GSTK1: variants seen among roughly 807,000 people sequenced by gnomAD.
GSTK1 encodes GST class-kappa.
Under a neutral mutation model 30.9 loss-of-function variants are expected in GSTK1, and 25 were observed. The observed-to-expected ratio is 0.81, with a 90% CI of 0.59 to 1.13. GSTK1 has a LOEUF of 1.13. GSTK1 is among the 50% of genes most tolerant of loss of function. The probability of loss-of-function intolerance (pLI) is 0.00; values close to 1 mark genes in which losing one functional copy is unlikely to be tolerated. For missense variants in GSTK1, 292 were observed against 292.4 expected (o/e 1.00, Z 0.01); for synonymous variants, 108 against 112.5 (o/e 0.96, Z 0.25).
Position 143,263,464 on chromosome 7 carries a change from G to C in GSTK1, c.-50G>C, listed in dbSNP as rs767011723. The C allele has an allele frequency of 1.3e-6, 2 of 1,558,472 alleles. No individual in the cohort carries two copies. Among genetic ancestry groups the C allele is most frequent in the African/African-American group, 1.3e-5 (1 of 74,142 alleles). On this transcript the variant is annotated 5_prime_UTR_variant, in exon 1 of 8. Coordinates refer to ENST00000358406, the MANE Select transcript of GSTK1 (RefSeq NM_015917.3). Reference sequence around the variant, plus strand: ...CCAGAAGCTGGGCAGCCTCTGCCGGGTTCCGGGAAAAGGAGCTCCTGCTGC... The same window carrying C: ...CCAGAAGCTGGGCAGCCTCTGCCGGCTTCCGGGAAAAGGAGCTCCTGCTGC...
chr7:143,268,120 T>A lies in GSTK1; in HGVS notation c.567T>A (p.His189Gln). Residue 189 changes from histidine to glutamine, a missense_variant, in exon 7 of 8, where the codon CAT (histidine) becomes CAA (glutamine). By Grantham distance (24) the His-to-Gln change is conservative (BLOSUM62 0). Transcript: ENST00000358406. This position sits in a 1 kb window ranked among gnomAD's most constrained non-coding sequence, Gnocchi z 4.1. ...TTGGGCTGCCCATCACCGTGGCCCATGTGGATGGCCAAACCCACATGTTAT... is the reference window on the plus strand; with the variant it reads ...TTGGGCTGCCCATCACCGTGGCCCAAGTGGATGGCCAAACCCACATGTTAT... ...GAFGLPITVAHVDGQTHMLFG... is the reference protein window; with the variant it reads ...GAFGLPITVAQVDGQTHMLFG... 1 of 1,614,052 alleles carries A rather than the reference T, an allele frequency of 6.2e-7. No homozygotes were observed.
Position 143,268,683 on chromosome 7 carries a change from C to A in GSTK1, c.632-105C>A. ...AAAGGAAGCCTTCTATACCTTGAAG[C>A]CAAGCAAAAGTCTTTCTAGAAAACC... On this transcript the variant is annotated intron_variant, in intron 7 of 7. Transcript: ENST00000358406. The surrounding 1 kb of genome is among the most constrained non-coding windows in gnomAD (Gnocchi z 4.1). 1 of 989,938 alleles carries A rather than the reference C, an allele frequency of 1.0e-6. No individual in the cohort carries two copies. The highest frequency in any genetic ancestry group is 1.6e-6 in the Non-Finnish European group (1 of 625,018). 61.3% of individuals were successfully genotyped at this position (989,938 alleles called of 1,614,324 possible).
Position 143,268,090 on chromosome 7 carries a change from G to A in GSTK1, c.538-1G>A. The stretch of plus-strand genomic sequence containing the variant: ...CCTTGCATTGTAACTGCTTTCTCCA[G>A]GCCTTTGGGCTGCCCATCACCGTGG... On this transcript the variant is annotated splice_acceptor_variant, in intron 6 of 7. Coordinates refer to ENST00000358406, the MANE Select transcript of GSTK1 (RefSeq NM_015917.3). LOFTEE classifies it high-confidence loss of function. This position sits in a 1 kb window ranked among gnomAD's most constrained non-coding sequence, Gnocchi z 4.1. 1 of 1,612,214 alleles carries A rather than the reference G, an allele frequency of 6.2e-7. No homozygotes were observed. Among genetic ancestry groups the A allele is most frequent in the Non-Finnish European group, 8.5e-7 (1 of 1,179,042 alleles).
chr7:143,264,000 G>A (rs1586423248), intron 1 of GSTK1, 86 bp from the exon 2 acceptor site: 1 of 1,195,808 alleles, frequency 8.4e-7, no homozygotes, highest in Non-Finnish European at 1.2e-6. Flanking sequence ...CCCCTGCTCT[G>A]CACTTAGCGC....
At position 143,263,459 on chromosome 7, in the gene GSTK1, G is replaced by A. The variant is rs1178633981; in HGVS notation, c.-55G>A. The A allele has an allele frequency of 2.0e-6, 3 of 1,536,340 alleles. No individual in the cohort carries two copies. The highest frequency in any genetic ancestry group is 1.8e-6 in the Non-Finnish European group (2 of 1,117,822). On this transcript the variant is annotated 5_prime_UTR_variant, in exon 1 of 8. Coordinates refer to ENST00000358406, the MANE Select transcript of GSTK1 (RefSeq NM_015917.3). ...CAGGCCCAGAAGCTGGGCAGCCTCT[G>A]CCGGGTTCCGGGAAAAGGAGCTCCT...
chr7:143,265,937 A>G (rs1800863377), intron 5 of GSTK1, among the ~76,000 whole-genome samples: 1 of 151,998 alleles, frequency 6.6e-6, no homozygotes, highest in African/African-American at 2.4e-5. Flanking sequence ...GGAATGGCAA[A>G]TATATCTTCT....
chr7:143,264,926 A>AAG (rs1800828019), intron 3 of GSTK1, 66 bp from the exon 4 acceptor site: 2 of 1,531,178 alleles, frequency 1.3e-6, no homozygotes, highest in East Asian at 4.5e-5. Flanking sequence ...AGAAGCAAGG[A>AAG]AGAGCTAGTC....
At chr7:143,265,495 AAGGGGAAGTGCAAAAGGGACAAT>A (rs1393207021) in intron 5 of GSTK1, among the ~76,000 whole-genome samples, 199 bp downstream of exon 5, 22 of 152,326 alleles carry the variant, frequency 1.4e-4, no homozygotes, top group Admixed American at 1.1e-3. Context: ...TCAAGGTTGA[AAGGGGAAGTGCAAAAGGGACAAT>A]ATATGGGAAG....
chr7:143,268,115 G>C lies in GSTK1; in HGVS notation c.562G>C (p.Ala188Pro). The C allele has an allele frequency of 1.2e-6, 2 of 1,613,960 alleles. No homozygotes were observed. Among genetic ancestry groups the C allele is most frequent in the Non-Finnish European group, 1.7e-6 (2 of 1,179,948 alleles). Residue 188 changes from alanine (A) to proline (P), a missense_variant, in exon 7 of 8, where the codon GCC (alanine) becomes CCC (proline). Coordinates refer to ENST00000358406, the MANE Select transcript of GSTK1 (RefSeq NM_015917.3). This position sits in a 1 kb window ranked among gnomAD's most constrained non-coding sequence, Gnocchi z 4.1. ...GGCCTTTGGGCTGCCCATCACCGTG[G>C]CCCATGTGGATGGCCAAACCCACAT... ...YGAFGLPITV[A>P]HVDGQTHMLF... is the part of the protein sequence containing the mutation.
chr7:143,264,043 T>A (rs1245766517), intron 1 of GSTK1, 43 bp from the exon 2 acceptor site: 1 of 1,577,372 alleles, frequency 6.3e-7, no homozygotes, highest in Non-Finnish European at 8.7e-7. Flanking sequence ...CTTTCACTTT[T>A]CCATCTTGCA....
chr7:143,265,413 G>A (rs1269552840), intron 5 of GSTK1, 117 bp downstream of exon 5: 1 of 927,012 alleles, frequency 1.1e-6, no homozygotes, highest in Non-Finnish European at 1.6e-6. Flanking sequence ...AATTACTGGG[G>A]AAGAAAGGAT....
chr7:143,264,570 T>TC lies in GSTK1; in HGVS notation c.181dup (p.Arg61ProfsTer9). On this transcript the variant is annotated frameshift_variant, in exon 3 of 8. Coordinates refer to ENST00000358406, the MANE Select transcript of GSTK1 (RefSeq NM_015917.3). LOFTEE classifies it high-confidence loss of function. ...CAGGAAACAAGCCTCCAGGTCTGCT[T>TC]CCCCGCAAAGGACTATACATGGCAA... 6.2e-7 allele frequency: 1 copy of TC among 1,613,920 alleles called. No individual in the cohort carries two copies. The highest frequency in any genetic ancestry group is 8.5e-7 in the Non-Finnish European group (1 of 1,179,888).
chr7:143,266,806 A>G (rs746440354), intron 5 of GSTK1, among the ~76,000 whole-genome samples: 36 of 151,334 alleles, frequency 2.4e-4, no homozygotes, highest in Non-Finnish European at 4.3e-4. Flanking sequence ...GACTTCAAGC[A>G]TGTGCCACCA....
intron 6 of GSTK1, 26 bp downstream of exon 6, chr7:143,267,759 C>A: frequency 6.9e-7 from 1 of 1,458,888 alleles, no homozygotes; most frequent in Non-Finnish European, 9.6e-7. Context: ...TGTGTGTTCC[C>A]AGCACCCATC....
chr7:143,263,591 G>T lies in GSTK1; in HGVS notation c.72+6G>T. The T allele has an allele frequency of 6.2e-7, 1 of 1,606,898 alleles. No homozygotes were observed. ...ACTCCTGGCTGGGCTTCGAGGTGAC[G>T]CTGGGAGGGGTCGCCTCGGCAGTGT... On this transcript the variant is annotated splice_donor_region_variant and intron_variant, in intron 1 of 7. Coordinates refer to ENST00000358406, the MANE Select transcript of GSTK1 (RefSeq NM_015917.3).
Position 143,268,194 on chromosome 7 carries a change from T to C in GSTK1, c.631+10T>C. 1 of 1,609,766 alleles carries C rather than the reference T, an allele frequency of 6.2e-7. No homozygotes were observed. The highest frequency in any genetic ancestry group is 8.5e-7 in the Non-Finnish European group (1 of 1,176,942). The stretch of plus-strand genomic sequence containing the variant: ...CTGGCGCACCTGCTGGGTAAGTAAG[T>C]TAAAGAATCAACCCTGAGCCAGGTG... On this transcript the variant is annotated intron_variant, in intron 7 of 7. Transcript: ENST00000358406. This position sits in a 1 kb window ranked among gnomAD's most constrained non-coding sequence, Gnocchi z 4.1.
rs572291540 is a variant in GSTK1, at chr7:143,267,089, G to A, written c.421-528G>A. On this transcript the variant is annotated intron_variant, in intron 5 of 7. Transcript: ENST00000358406. Reference sequence around the variant, plus strand: ...ACCACAAACTGAAGCCTTTATCTTTGTCTTGAAGCCAGGTAGGTGGCTGCA... The same window carrying A: ...ACCACAAACTGAAGCCTTTATCTTTATCTTGAAGCCAGGTAGGTGGCTGCA... Among the ~76,000 whole-genome samples the A allele has an allele frequency of 7.9e-5, 12 of 152,250 alleles. No homozygotes were observed. In the East Asian group the frequency reaches 1.9e-3, roughly 25 times the overall value.
intron 5 of GSTK1, among the ~76,000 whole-genome samples, chr7:143,265,811 G>A (rs756078953): frequency 2.0e-5 from 3 of 151,876 alleles, no homozygotes; most frequent in African/African-American, 4.8e-5. Flanking sequence ...TTGTCTTCAG[G>A]ATTAAATTAG....
intron 4 of GSTK1, 50 bp downstream of exon 4, chr7:143,265,142 TG>T (rs1800836241): frequency 6.2e-7 from 1 of 1,613,362 alleles, no homozygotes; most frequent in Non-Finnish European, 8.5e-7. Context: ...GATGACTTTC[TG>T]ACCTTCCCCA....
Sources: gnomAD v4.1 joint callset for allele counts (sites outside exome capture counted in the v4.1 genomes callset) on GRCh38, gnomAD v4.1.1 for gene constraint, Gnocchi (gnomAD v3.1) non-coding constraint, MANE v1.5 for transcripts, NCBI Gene and HGNC (gene_info 2026-07-23, HGNC 2026-07-21) for gene names.